CCDC125: variants seen among roughly 807,000 people sequenced by gnomAD.
CCDC125 encodes coiled-coil domain-containing protein 125.
CCDC125 carries 43 observed loss-of-function variants against 57.4 expected under a neutral mutation model. The ratio of observed to expected loss-of-function variants is 0.75; its 90% CI spans 0.59 to 0.97. The LOEUF (loss-of-function observed/expected upper bound fraction) is 0.97. CCDC125 is among the 50% of genes least tolerant of loss of function. The pLI is 0.00. For missense variants in CCDC125, 563 were observed against 595.7 expected (o/e 0.95, Z 0.57); for synonymous variants, 187 against 195.2 (o/e 0.96, Z 0.35).
At chr5:69,276,201 G>A (rs1236153072), downstream of CCDC125, among the ~76,000 whole-genome samples, 1 of 152,036 alleles carries the variant, frequency 6.6e-6, no homozygotes, top group Non-Finnish European at 1.5e-5. Context: ...GCTTATTTTT[G>A]TATTTTTAGT....
chr5:69,310,973 T>G, intron 4 of CCDC125, 145 bp downstream of exon 4: 1 of 475,198 alleles, frequency 2.1e-6, no homozygotes, highest in Non-Finnish European at 3.8e-6. Flanking sequence ...TCAGGATATA[T>G]AAATTATAAA....
In CCDC125 at chr5:69,282,579, T is replaced by A; in HGVS notation, c.*150A>T. 1.6e-6 allele frequency: 1 copy of A among 626,542 alleles called. No homozygotes were observed. Among genetic ancestry groups the A allele is most frequent in the South Asian group, 2.5e-5 (1 of 40,440 alleles). The allele number at this position is 626,542 out of a possible 1,614,324, so 38.8% of individuals were successfully genotyped here. On this transcript the variant is annotated 3_prime_UTR_variant, in exon 12 of 12. Coordinates refer to ENST00000396496, the MANE Select transcript of CCDC125 (RefSeq NM_176816.5). ...CCATCTCAAAAGAAGAAAAAGAAAATGTAGAAAATATTTGATTTAAGTGAC... is the reference window on the plus strand; with the variant it reads ...CCATCTCAAAAGAAGAAAAAGAAAAAGTAGAAAATATTTGATTTAAGTGAC...
At chr5:69,311,479 C>T (rs760571092) in intron 3 of CCDC125, among the ~76,000 whole-genome samples, 2 of 151,964 alleles carry the variant, frequency 1.3e-5, no homozygotes, top group African/African-American at 2.4e-5. Context: ...GGTGAAACCC[C>T]GTCTCTACTA....
At chr5:69,324,191 A>G (rs1454642590) in intron 1 of CCDC125, among the ~76,000 whole-genome samples, 1 of 152,216 alleles carries the variant, frequency 6.6e-6, no homozygotes, top group Admixed American at 6.5e-5. Flanking sequence ...TATATTTTCA[A>G]TGTTAAAAAC....
At chr5:69,309,205 A>C (rs1757782130) in intron 4 of CCDC125, 1 of 152,276 alleles carries the variant, frequency 6.6e-6, no homozygotes, top group South Asian at 2.1e-4. Context: ...ATAAGTAATG[A>C]GGAGCCAAAT....
chr5:69,313,307 G>T, intron 3 of CCDC125: 1 of 741,394 alleles, frequency 1.3e-6, no homozygotes, highest in East Asian at 2.8e-5. Context: ...GAAGGGGGCA[G>T]CCTGCAACCC....
intron 8 of CCDC125, among the ~76,000 whole-genome samples, chr5:69,296,792 GTC>G (rs1755390170): frequency 6.6e-6 from 1 of 151,574 alleles, no homozygotes; most frequent in Admixed American, 6.6e-5. Context: ...GGTGAAACCT[GTC>G]TCTACTAAAA....
At chr5:69,277,902 G>A (rs188522710), downstream of CCDC125, among the ~76,000 whole-genome samples, 12 of 152,084 alleles carry the variant, frequency 7.9e-5, no homozygotes, top group East Asian at 1.9e-3. Flanking sequence ...TTTCTGAGGC[G>A]GGGGACAAAG....
chr5:69,276,550 A>T (rs1301581244), downstream of CCDC125: 2 of 1,612,740 alleles, frequency 1.2e-6, no homozygotes, highest in South Asian at 2.2e-5. Context: ...AAGGCACTGA[A>T]AATGAAGTAT....
chr5:69,312,398 C>T lies in CCDC125; in HGVS notation c.367-1194G>A, dbSNP rs1168822462. ...GCCACCAGTTTGTGGTACATTGTCT[C>T]GGCAGCCAAATACAGTAGCTTTCAC... On this transcript the variant is annotated intron_variant, in intron 3 of 11. Transcript: ENST00000396496. 9.2e-5 allele frequency among the ~76,000 whole-genome samples: 14 copies of T among 152,276 alleles called. No individual in the cohort carries two copies. The East Asian group carries it at 9.6e-4, about 10-fold the overall frequency.
chr5:69,285,552 G>GA, intron 10 of CCDC125, 85 bp from the exon 11 acceptor site: 3 of 1,349,222 alleles, frequency 2.2e-6, no homozygotes, highest in Non-Finnish European at 3.0e-6. Flanking sequence ...TTGATCTCTA[G>GA]GACAAGTGAG....
chr5:69,293,349 A>G lies in CCDC125; in HGVS notation c.925-987T>C, dbSNP rs183742564. Among the ~76,000 whole-genome samples, 75 of 152,172 alleles carry G rather than the reference A, an allele frequency of 4.9e-4. 1 individual carries two copies. The highest frequency in any genetic ancestry group is 2.3e-3 in the Admixed American group (35 of 15,282). On this transcript the variant is annotated intron_variant, in intron 9 of 11. Transcript: ENST00000396496. ...ACTGTCCAAATGTTGGCTTTCCTAT[A>G]TACTTTAAAGATTTTATTTTGGCTG...
chr5:69,294,953 G>T, intron 8 of CCDC125, 53 bp from the exon 9 acceptor site: 2 of 1,467,330 alleles, frequency 1.4e-6, no homozygotes, highest in Non-Finnish European at 9.5e-7. Flanking sequence ...TGTTTTAGCT[G>T]CACACAAACA....
Position 69,306,812 on chromosome 5 carries a change from C to A in CCDC125, c.617+5G>T. On this transcript the variant is annotated splice_donor_5th_base_variant and intron_variant, in intron 6 of 11. Coordinates refer to ENST00000396496, the MANE Select transcript of CCDC125 (RefSeq NM_176816.5). Reference sequence around the variant, plus strand: ...CAAAGAAAAATAATGGAGTAATATACAAACCTGTCATATTTTTGGATCCAA... The same window carrying A: ...CAAAGAAAAATAATGGAGTAATATAAAAACCTGTCATATTTTTGGATCCAA... 6.8e-7 allele frequency: 1 copy of A among 1,472,146 alleles called. No homozygotes were observed. Among genetic ancestry groups the A allele is most frequent in the Admixed American group, 2.5e-5 (1 of 39,636 alleles). The allele number at this position is 1,472,146 out of a possible 1,614,324, so 91.2% of individuals were successfully genotyped here. A position where few individuals can be genotyped will look rare whatever the true frequency, so the allele number is the denominator to read the frequency against.
At position 69,282,865 on chromosome 5, in the gene CCDC125, A is replaced by G. The variant is rs766303693; in HGVS notation, c.1400T>C (p.Leu467Ser). 72 of 1,614,040 alleles carry G rather than the reference A, an allele frequency of 4.5e-5. No individual in the cohort carries two copies. The highest frequency in any genetic ancestry group is 5.8e-5 in the Non-Finnish European group (69 of 1,180,028). ...PWRKTSEFSV[L>S]GDPIHSSVCI... The stretch of plus-strand genomic sequence containing the variant: ...GACACTTGAATGTATAGGATCACCC[A>G]AAACAGAGAATTCTGAAGTCTTACG... The change falls in exon 12 of 12, where the codon TTG becomes TCG. Residue 467 changes from leucine to serine, a missense_variant. By Grantham distance (145) the Leu-to-Ser change is moderately radical. Transcript: ENST00000396496.
rs1419950310 is a variant in CCDC125 at position 69,282,606 on chromosome 5, T to G, written c.*123A>C. ...TAGAAAATATTTGATTTAAGTGACC[T>G]CCTAAAATTTAGAAATACCTAGGAA... On this transcript the variant is annotated 3_prime_UTR_variant, in exon 12 of 12. Transcript: ENST00000396496. 6.8e-6 allele frequency: 5 copies of G among 735,572 alleles called. No individual in the cohort carries two copies. Among genetic ancestry groups the G allele is most frequent in the Non-Finnish European group, 8.7e-6 (4 of 457,818 alleles). 45.6% of individuals were successfully genotyped at this position (735,572 alleles called of 1,614,324 possible).
chr5:69,322,254 G>A lies in CCDC125; in HGVS notation c.-40-1674C>T, dbSNP rs531212279. Among the ~76,000 whole-genome samples, 4 of 152,010 alleles carry A rather than the reference G, an allele frequency of 2.6e-5. No individual in the cohort carries two copies. In the East Asian group the frequency reaches 5.8e-4, roughly 22 times the overall value. On this transcript the variant is annotated intron_variant, in intron 1 of 11. Transcript: ENST00000396496. ...CCCAGTTCAGCCTCTGGAGTAGCTC[G>A]GATGACAGGAGTGAGGCACCACGTG... is the stretch of plus-strand genomic sequence containing the variant.
At chr5:69,276,817 T>C (rs1222360884), downstream of CCDC125, 16 of 846,490 alleles carry the variant, frequency 1.9e-5, no homozygotes, top group Non-Finnish European at 2.7e-5. Flanking sequence ...ATAAATTTAA[T>C]TGTATAAAGT....
intron 1 of CCDC125, among the ~76,000 whole-genome samples, chr5:69,332,253 C>CTG (rs887703667): frequency 1.3e-5 from 2 of 152,182 alleles, no homozygotes; most frequent in African/African-American, 2.4e-5. Flanking sequence ...CTAAGAATTC[C>CTG]TGTGTACCTT....
Sources: gnomAD v4.1 joint callset for allele counts (sites outside exome capture counted in the v4.1 genomes callset) on GRCh38, gnomAD v4.1.1 for gene constraint, MANE v1.5 for transcripts, NCBI Gene and HGNC (gene_info 2026-07-23, HGNC 2026-07-21) for gene names.